ITCH: variants seen among roughly 807,000 people sequenced by gnomAD.
ITCH encodes the protein itchy E3 ubiquitin protein ligase.
In ITCH, 28 loss-of-function variants were observed where a neutral mutation model predicts 126.8. The observed-to-expected ratio is 0.22, with a 90% confidence interval of 0.16 to 0.30. The LOEUF is 0.30. Ranked by LOEUF, ITCH falls within the 10% of genes least tolerant of loss-of-function variation. The probability of loss-of-function intolerance (pLI) is 1.00; values close to 1 mark genes in which losing one functional copy is unlikely to be tolerated. For synonymous variants in ITCH, 342 were observed against 340.0 expected (o/e 1.01, Z -0.06); for missense variants, 631 against 1,032.4 (o/e 0.61, Z 5.33).
intron 12 of ITCH, 75 bp downstream of exon 12, chr20:34,449,555 A>G (rs1391627511): frequency 9.9e-7 from 1 of 1,011,486 alleles, no homozygotes; most frequent in African/African-American, 1.6e-5. Flanking sequence ...ATTTTAAAAC[A>G]GATATTTATG....
intron 2 of ITCH, among the ~76,000 whole-genome samples, chr20:34,391,034 T>C (rs960329786): frequency 6.6e-6 from 1 of 152,078 alleles, no homozygotes; most frequent in African/African-American, 2.4e-5. Flanking sequence ...ATTACAGGAG[T>C]GAGTCACCAC....
In ITCH at chr20:34,438,526, A is replaced by T. The variant is rs200246240; in HGVS notation, c.574A>T (p.Arg192Trp). ...DPEDAGAGEN[R>W]RVSGNNSPSL... The stretch of plus-strand genomic sequence containing the variant: ...TGAAGATGCAGGAGCTGGTGAAAAT[A>T]GGAGAGTCAGTGGGAATAATTCTCC... The change falls in exon 8 of 25, where the codon AGG becomes TGG. Residue 192 changes from arginine to tryptophan, a missense_variant. Physicochemically the swap from Arg to Trp is moderately radical, Grantham distance 101. Coordinates refer to ENST00000374864, the MANE Select transcript of ITCH (RefSeq NM_031483.7). 1 of 1,614,018 alleles carries T rather than the reference A, an allele frequency of 6.2e-7. No individual in the cohort carries two copies. Among genetic ancestry groups the T allele is most frequent in the Admixed American group, 1.7e-5 (1 of 60,006 alleles).
intron 7 of ITCH, 63 bp downstream of exon 7, chr20:34,424,588 T>C (rs1261506123): frequency 1.5e-6 from 2 of 1,299,042 alleles, no homozygotes; most frequent in East Asian, 4.6e-5. Flanking sequence ...ATATTCATTT[T>C]AGTGTAAACT....
intron 16 of ITCH, among the ~76,000 whole-genome samples, chr20:34,475,392 T>G (rs550235771): frequency 6.6e-6 from 1 of 152,200 alleles, no homozygotes; most frequent in African/African-American, 2.4e-5. Flanking sequence ...CGAGACTCCG[T>G]CTGCAATCCC....
intron 11 of ITCH, among the ~76,000 whole-genome samples, chr20:34,448,319 GGAGCCGGAGGCTACAGT>G (rs377021470): frequency 1.1e-4 from 17 of 152,134 alleles, no homozygotes; most frequent in African/African-American, 4.1e-4. Context: ...CTTGAACCTG[GGAGCCGGAGGCTACAGT>G]GAGCCGAGAT....
At chr20:34,491,124 T>C (rs1241168569) in intron 22 of ITCH, among the ~76,000 whole-genome samples, 1 of 152,204 alleles carries the variant, frequency 6.6e-6, no homozygotes, top group Non-Finnish European at 1.5e-5. Flanking sequence ...CCTCAACTTA[T>C]GATGGAGTAA....
rs188110319 is a variant in ITCH, at chr20:34,444,552, C to T, written c.966-735C>T. Reference sequence around the variant, plus strand: ...GAGCCAAGATCGCGCCATTGCACTCCATCCAGTCTGGGCAACAAGAGGGAA... The same window carrying T: ...GAGCCAAGATCGCGCCATTGCACTCTATCCAGTCTGGGCAACAAGAGGGAA... On this transcript the variant is annotated intron_variant, in intron 10 of 24. Transcript: ENST00000374864. Among the ~76,000 whole-genome samples, 17 of 152,168 alleles carry T rather than the reference C, an allele frequency of 1.1e-4. No homozygotes were observed. The East Asian group carries it at 2.9e-3, about 26-fold the overall frequency.
intron 7 of ITCH, among the ~76,000 whole-genome samples, chr20:34,434,255 C>T (rs1008950485): frequency 2.0e-5 from 3 of 152,020 alleles, no homozygotes; most frequent in Non-Finnish European, 4.4e-5. Context: ...CTGTGGTAAA[C>T]CATGGTTGTG....
At chr20:34,385,134 C>G (rs1168780581) in intron 2 of ITCH, among the ~76,000 whole-genome samples, 1 of 151,150 alleles carries the variant, frequency 6.6e-6, no homozygotes, top group Non-Finnish European at 1.5e-5. Flanking sequence ...CCTGCCTCAG[C>G]CTACCGAGGA....
chr20:34,438,517 G>T lies in ITCH; in HGVS notation c.565G>T (p.Gly189Cys). The T allele has an allele frequency of 6.2e-7, 1 of 1,614,002 alleles. No individual in the cohort carries two copies. The highest frequency in any genetic ancestry group is 1.1e-5 in the South Asian group (1 of 91,074). ...GSDDPEDAGA[G>C]ENRRVSGNNS... is the part of the protein sequence containing the mutation. ...AGATGACCCTGAAGATGCAGGAGCT[G>T]GTGAAAATAGGAGAGTCAGTGGGAA... Residue 189 changes from glycine to cysteine, a missense_variant, in exon 8 of 25, where the codon GGT (glycine) becomes TGT (cysteine). Physicochemically the swap from Gly to Cys is radical, Grantham distance 159 (BLOSUM62 -3). Around this residue, in one of 4 missense-constraint regions of ITCH, gnomAD observed 220 missense variants for 265.7 expected, o/e 0.83. Coordinates refer to ENST00000374864, the MANE Select transcript of ITCH (RefSeq NM_031483.7).
intron 7 of ITCH, among the ~76,000 whole-genome samples, chr20:34,429,694 C>G (rs1460171009): frequency 6.6e-6 from 1 of 152,140 alleles, no homozygotes; most frequent in African/African-American, 2.4e-5. Flanking sequence ...TTTGCTAGAA[C>G]TGTCAATCTG....
chr20:34,411,629 C>T (rs1419144588), intron 4 of ITCH, among the ~76,000 whole-genome samples: 2 of 152,136 alleles, frequency 1.3e-5, no homozygotes, highest in Admixed American at 1.3e-4. Context: ...TACAGGTAGA[C>T]TTCAAAGGAG....
intron 2 of ITCH, among the ~76,000 whole-genome samples, chr20:34,373,315 G>A (rs895677436): frequency 1.4e-4 from 21 of 147,838 alleles, no homozygotes; most frequent in African/African-American, 5.0e-4. Context: ...TCTTGTTCTC[G>A]CCCAGGCTGG....
chr20:34,363,945 C>T (rs1024358487), intron 1 of ITCH, among the ~76,000 whole-genome samples: 10 of 152,184 alleles, frequency 6.6e-5, no homozygotes, highest in Non-Finnish European at 5.9e-5. Context: ...CCGCCACCGT[C>T]GTGGCGGCGC....
At chr20:34,430,617 C>T (rs1033400043) in intron 7 of ITCH, among the ~76,000 whole-genome samples, 3 of 152,088 alleles carry the variant, frequency 2.0e-5, no homozygotes, top group African/African-American at 2.4e-5. Flanking sequence ...GGATTACATG[C>T]GTGCACCACT....
Position 34,414,016 on chromosome 20 carries a change from G to A in ITCH, c.475+137G>A, listed in dbSNP as rs191466137. The A allele has an allele frequency of 1.6e-3, 1,144 of 710,868 alleles. 23 individuals are homozygous for A. The Admixed American group carries it at 0.028, about 17-fold the overall frequency. 44.0% of individuals were successfully genotyped at this position (710,868 alleles called of 1,614,324 possible). A position where few individuals can be genotyped will look rare whatever the true frequency, so the allele number is the denominator to read the frequency against. On this transcript the variant is annotated intron_variant, in intron 6 of 24. Transcript: ENST00000374864. ...TTTTCTGGCCGGTGTGGTGGCTCACGCCTCTAATCCCAGCACTTTGGGAGG... is the reference window on the plus strand; with the variant it reads ...TTTTCTGGCCGGTGTGGTGGCTCACACCTCTAATCCCAGCACTTTGGGAGG...
At chr20:34,495,600 A>G (rs186512558) in intron 23 of ITCH, among the ~76,000 whole-genome samples, 85 of 152,198 alleles carry the variant, frequency 5.6e-4, no homozygotes, top group African/African-American at 1.8e-3. Context: ...CTATGTTGTC[A>G]TAAATGACAG....
At chr20:34,449,560 T>G (rs1401325869) in intron 12 of ITCH, 80 bp downstream of exon 12, 41 of 963,234 alleles carry the variant, frequency 4.3e-5, no homozygotes, top group Admixed American at 3.6e-5. Flanking sequence ...AAAACAGATA[T>G]TTATGTCTGA....
At chr20:34,391,641 A>G (rs2038494364) in intron 2 of ITCH, among the ~76,000 whole-genome samples, 1 of 152,160 alleles carries the variant, frequency 6.6e-6, no homozygotes, top group East Asian at 1.9e-4. Flanking sequence ...TCAAGAATTT[A>G]AAATGCTTGG....
Sources: allele counts gnomAD v4.1 joint callset (sites outside exome capture counted in the v4.1 genomes callset), GRCh38; gene constraint gnomAD v4.1.1; regional missense constraint gnomAD v4.1.1; transcripts MANE v1.5; gene names NCBI Gene and HGNC (gene_info 2026-07-23, HGNC 2026-07-21).